Variants in SLIT3 observed in about 807,000 individuals in gnomAD.
SLIT3 encodes slit homolog 3 protein.
A neutral mutation model predicts 184.0 loss-of-function variants in SLIT3; 68 were observed. That is an observed-to-expected ratio of 0.37 (90% CI 0.30 to 0.45). The LOEUF (loss-of-function observed/expected upper bound fraction) is 0.45. Among genes scored for constraint, SLIT3 ranks in the 20% least tolerant of loss-of-function variants. SLIT3 has a pLI of 1.00. For missense variants in SLIT3, 1,707 were observed against 2,026.0 expected, an observed-to-expected ratio of 0.84 and a Z score of 3.02; for synonymous variants, 831 against 828.6, an observed-to-expected ratio of 1.00 and a Z score of -0.05.
In SLIT3 at chr5:168,798,220, CTTCT is replaced by C. The variant is rs1428095979; in HGVS notation, c.936-2646_936-2643del. ...CTTTTGGTTTTCTTTTCTTCTTCTTCTTCTTTTTTTTTTTTTTTTAAGAGACAGA... is the reference window on the plus strand; with the variant it reads ...CTTTTGGTTTTCTTTTCTTCTTCTTCTTTTTTTTTTTTTTTAAGAGACAGA... On this transcript the variant is annotated intron_variant, in intron 9 of 35. Coordinates refer to ENST00000519560, the MANE Select transcript of SLIT3 (RefSeq NM_003062.4). Among the ~76,000 whole-genome samples, 9 of 112,262 alleles carry C rather than the reference CTTCT, an allele frequency of 8.0e-5. No individual in the cohort carries two copies. In the East Asian group the frequency reaches 1.4e-3, roughly 17 times the overall value. The allele number at this position is 112,262 out of a possible 152,430, so 73.6% of individuals were successfully genotyped here.
intron 4 of SLIT3, among the ~76,000 whole-genome samples, chr5:168,947,393 G>A (rs1373922911): frequency 2.6e-5 from 4 of 152,130 alleles, no homozygotes; most frequent in Non-Finnish European, 4.4e-5. Context: ...ACCGTCTGCC[G>A]CCCTGGTGCC....
At chr5:168,884,581 T>TATATATATATATATATATAC (rs1760116903) in intron 4 of SLIT3, among the ~76,000 whole-genome samples, 1 of 131,598 alleles carries the variant, frequency 7.6e-6, no homozygotes, top group East Asian at 2.3e-4. Context: ...TATATATATA[T>TATATATATATATATATATAC]GAAATTCCAC....
At chr5:169,042,761 T>C (rs546238468) in intron 4 of SLIT3, among the ~76,000 whole-genome samples, 34 of 152,238 alleles carry the variant, frequency 2.2e-4, no homozygotes, top group African/African-American at 7.5e-4. Flanking sequence ...GTTTTTTAAG[T>C]AGAGGTAAGA....
At chr5:169,260,379 G>C (rs188998826) in intron 1 of SLIT3, among the ~76,000 whole-genome samples, 74 of 152,254 alleles carry the variant, frequency 4.9e-4, no homozygotes, top group Admixed American at 2.0e-3. Context: ...AAAGGGCAAG[G>C]TTCTGTGCTT....
chr5:169,122,430 T>C (rs1760917456), intron 4 of SLIT3, among the ~76,000 whole-genome samples: 1 of 152,190 alleles, frequency 6.6e-6, no homozygotes, highest in Non-Finnish European at 1.5e-5. Context: ...CTCTGGTACC[T>C]GGAGTATTTT....
Position 168,798,686 on chromosome 5 carries a change from C to T in SLIT3, c.936-3108G>A, listed in dbSNP as rs114839491. ...TTTGTCTGCAGTGGGAGCGTGGTTG[C>T]GAACAGTTTGTGTACCTTCAATGTA... On this transcript the variant is annotated intron_variant, in intron 9 of 35. Coordinates refer to ENST00000519560, the MANE Select transcript of SLIT3 (RefSeq NM_003062.4). 9.1e-3 allele frequency among the ~76,000 whole-genome samples: 1,381 copies of T among 152,044 alleles called. 22 individuals carry two copies. The highest frequency in any genetic ancestry group is 0.032 in the African/African-American group (1,326 of 41,472).
intron 4 of SLIT3, among the ~76,000 whole-genome samples, chr5:169,029,286 C>T (rs1432882152): frequency 2.6e-5 from 4 of 152,332 alleles, no homozygotes; most frequent in African/African-American, 9.6e-5. Context: ...GAGGTTTGCA[C>T]TCTTTTTGTT....
chr5:168,944,968 A>C (rs1326957655), intron 4 of SLIT3, among the ~76,000 whole-genome samples: 1 of 152,130 alleles, frequency 6.6e-6, no homozygotes, highest in Admixed American at 6.6e-5. Context: ...AATAGAGATG[A>C]GTATCAGGAC....
At chr5:168,704,320 G>T (rs1295249404) in intron 26 of SLIT3, among the ~76,000 whole-genome samples, 1 of 138,728 alleles carries the variant, frequency 7.2e-6, no homozygotes, top group African/African-American at 3.5e-5. Flanking sequence ...GACCCTTTGT[G>T]AAGTATCTAC....
intron 6 of SLIT3, among the ~76,000 whole-genome samples, chr5:168,844,064 A>G (rs1758364392): frequency 6.8e-6 from 1 of 147,510 alleles, no homozygotes; most frequent in Non-Finnish European, 1.5e-5. Context: ...TCCCAGGAGC[A>G]ATAGCAATGA....
intron 3 of SLIT3, among the ~76,000 whole-genome samples, chr5:169,228,864 C>T (rs1764896905): frequency 6.6e-6 from 1 of 152,192 alleles, no homozygotes; most frequent in Admixed American, 6.5e-5. Context: ...ATAATTTATT[C>T]TTCTCCACTG....
chr5:169,094,983 C>T (rs1160220921), intron 4 of SLIT3, among the ~76,000 whole-genome samples: 5 of 152,184 alleles, frequency 3.3e-5, no homozygotes, highest in South Asian at 4.2e-4. Context: ...CAGGATGGCT[C>T]ATGACTCACG....
chr5:169,135,305 T>A (rs1761463057), intron 4 of SLIT3, among the ~76,000 whole-genome samples: 1 of 152,002 alleles, frequency 6.6e-6, no homozygotes, highest in Admixed American at 6.6e-5. Flanking sequence ...AGAGATGGGG[T>A]TTCAGCATGT....
rs1760934151 is a variant in SLIT3 at position 168,663,354 on chromosome 5, G to A, written c.*3100C>T. 1 of 152,264 alleles carries A rather than the reference G, an allele frequency of 6.6e-6. No homozygotes were observed. Among genetic ancestry groups the A allele is most frequent in the Non-Finnish European group, 1.5e-5 (1 of 68,132 alleles). The allele number at this position is 152,264 out of a possible 1,614,324, so 9.4% of individuals were successfully genotyped here. A position where few individuals can be genotyped will look rare whatever the true frequency, so the allele number is the denominator to read the frequency against. ...TGGGAAGGGTGTTGGGCAGATCCCA[G>A]GATCCTCTTCAAGAGCAGAGCTTCT... On this transcript the variant is annotated 3_prime_UTR_variant, in exon 36 of 36. Transcript: ENST00000519560.
chr5:168,957,132 G>A (rs866344422), intron 4 of SLIT3, among the ~76,000 whole-genome samples: 21 of 151,496 alleles, frequency 1.4e-4, no homozygotes, highest in African/African-American at 4.9e-4. Context: ...TGGAGGCTGC[G>A]GCAGGAGAAT....
intron 23 of SLIT3, among the ~76,000 whole-genome samples, chr5:168,716,456 G>C (rs1762733993): frequency 6.6e-6 from 1 of 152,174 alleles, no homozygotes; most frequent in Admixed American, 6.5e-5. Context: ...GATGCCAGTG[G>C]TTCAGAAGCA....
rs899499368 is a variant in SLIT3, at chr5:168,857,322, G to T, written c.486-12667C>A. Reference sequence around the variant, plus strand: ...ATGACAGCCACTGTTCTGGGTAGGGGATAAGAAAGAGTGATTTTCTTTTTC... The same window carrying T: ...ATGACAGCCACTGTTCTGGGTAGGGTATAAGAAAGAGTGATTTTCTTTTTC... On this transcript the variant is annotated intron_variant, in intron 5 of 35. Transcript: ENST00000519560. Among the ~76,000 whole-genome samples, 10 of 152,330 alleles carry T rather than the reference G, an allele frequency of 6.6e-5. 1 individual carries two copies. Among genetic ancestry groups the T allele is most frequent in the African/African-American group, 2.4e-4 (10 of 41,570 alleles).
intron 4 of SLIT3, among the ~76,000 whole-genome samples, chr5:168,906,982 T>C (rs1285634502): frequency 6.6e-6 from 1 of 152,102 alleles, no homozygotes; most frequent in Non-Finnish European, 1.5e-5. Flanking sequence ...TGCCTCAGCC[T>C]CCCGAGTAGC....
intron 1 of SLIT3, among the ~76,000 whole-genome samples, chr5:169,295,169 C>T (rs1455099498): frequency 2.0e-5 from 3 of 152,184 alleles, no homozygotes; most frequent in African/African-American, 4.8e-5. Flanking sequence ...TGTCACTAGG[C>T]GATAGGAATT....
Sources: allele counts gnomAD v4.1 joint callset (sites outside exome capture counted in the v4.1 genomes callset), GRCh38; gene constraint gnomAD v4.1.1; transcripts MANE v1.5; gene names NCBI Gene and HGNC (gene_info 2026-07-23, HGNC 2026-07-21).